Variants in MYRIP observed in about 807,000 individuals in gnomAD.
MYRIP encodes the protein myosin VIIA and Rab interacting protein.
Under a neutral mutation model 98.0 loss-of-function variants are expected in MYRIP, and 49 were observed. The ratio of observed to expected loss-of-function variants is 0.50; its 90% CI spans 0.40 to 0.63. The LOEUF (loss-of-function observed/expected upper bound fraction) is 0.63, where lower values mean the gene tolerates loss of function less well. Ranked by LOEUF, MYRIP falls within the 30% of genes least tolerant of loss-of-function variation. MYRIP has a pLI of 0.00. For missense variants in MYRIP, 1,004 were observed against 1,058.2 expected (o/e 0.95, Z 0.71); for synonymous variants, 404 against 409.5 (o/e 0.99, Z 0.16).
At chr3:40,142,212 G>A (rs1045896080) in intron 3 of MYRIP, among the ~76,000 whole-genome samples, 7 of 151,286 alleles carry the variant, frequency 4.6e-5, no homozygotes, top group East Asian at 1.9e-4. Context: ...CCACCACGCC[G>A]GGCTCATTTT....
intron 10 of MYRIP, among the ~76,000 whole-genome samples, chr3:40,198,492 T>C (rs1951462743): frequency 6.6e-6 from 1 of 152,222 alleles, no homozygotes; most frequent in Admixed American, 6.5e-5. Flanking sequence ...TCGCCATTCA[T>C]TTACTGGCAA....
intron 3 of MYRIP, among the ~76,000 whole-genome samples, chr3:40,101,361 CT>C (rs1049885433): frequency 5.9e-5 from 9 of 152,220 alleles, no homozygotes; most frequent in African/African-American, 2.2e-4. Context: ...AGGCTCTTTC[CT>C]TTGGTCTCAG....
intron 1 of MYRIP, among the ~76,000 whole-genome samples, chr3:39,832,444 G>A (rs1941479883): frequency 6.6e-6 from 1 of 152,166 alleles, no homozygotes; most frequent in African/African-American, 2.4e-5. Context: ...TCTCAAAAAA[G>A]CTTTTTGGAC....
intron 2 of MYRIP, among the ~76,000 whole-genome samples, chr3:39,957,748 T>A (rs888541947): frequency 6.6e-6 from 1 of 152,172 alleles, no homozygotes; most frequent in Non-Finnish European, 1.5e-5. Flanking sequence ...TGTCCCTGTT[T>A]GCAGATGACA....
At chr3:40,127,912 C>G (rs1046454880) in intron 3 of MYRIP, among the ~76,000 whole-genome samples, 2 of 152,090 alleles carry the variant, frequency 1.3e-5, no homozygotes, top group African/African-American at 4.8e-5. Context: ...TAGGAAGAAC[C>G]TCTCTGTTCA....
chr3:39,987,208 C>T (rs1437849134), intron 2 of MYRIP, among the ~76,000 whole-genome samples: 2 of 152,100 alleles, frequency 1.3e-5, no homozygotes, highest in Non-Finnish European at 2.9e-5. Flanking sequence ...CCCCCTGTGT[C>T]CATGTGTTCT....
At chr3:39,935,339 T>A (rs2125703871) in intron 2 of MYRIP, among the ~76,000 whole-genome samples, 1 of 152,252 alleles carries the variant, frequency 6.6e-6, no homozygotes, top group Non-Finnish European at 1.5e-5. Flanking sequence ...GTTCTGTAAA[T>A]ATGACAGTTG....
At chr3:40,072,856 G>A (rs970130137) in intron 3 of MYRIP, among the ~76,000 whole-genome samples, 1 of 151,968 alleles carries the variant, frequency 6.6e-6, no homozygotes, top group Non-Finnish European at 1.5e-5. Context: ...ATATTGTGCA[G>A]TTGTTGGATA....
intron 3 of MYRIP, among the ~76,000 whole-genome samples, chr3:40,098,916 TGTGC>T (rs1393651739): frequency 5.9e-5 from 9 of 151,820 alleles, no homozygotes; most frequent in African/African-American, 2.2e-4. Context: ...TGTGCATGTG[TGTGC>T]GTGTGTGTGT....
intron 2 of MYRIP, among the ~76,000 whole-genome samples, chr3:40,026,370 A>G (rs1290001800): frequency 9.0e-6 from 1 of 110,602 alleles, no homozygotes; most frequent in Non-Finnish European, 2.1e-5. Context: ...CTGATTTCAT[A>G]TTGTTCAAAC....
rs1559475740 is a variant in MYRIP at position 40,247,982 on chromosome 3, G to T, written c.2263-2240G>T. On this transcript the variant is annotated intron_variant, in intron 13 of 16. Transcript: ENST00000302541. The stretch of plus-strand genomic sequence containing the variant: ...GTGGATTATCTCAACTGCACCGCCA[G>T]GCATGCGGAAATTCTCCCCACCAGG... Among the ~76,000 whole-genome samples, 3 of 152,238 alleles carry T rather than the reference G, an allele frequency of 2.0e-5. No homozygotes were observed. In the East Asian group the frequency reaches 5.8e-4, roughly 29 times the overall value.
chr3:39,934,374 C>T (rs759757054), intron 2 of MYRIP, among the ~76,000 whole-genome samples: 7 of 152,052 alleles, frequency 4.6e-5, no homozygotes, highest in Non-Finnish European at 8.8e-5. Flanking sequence ...GACCCAAGAT[C>T]ACACTTGAGA....
chr3:40,094,016 T>C (rs1053028109), intron 3 of MYRIP, among the ~76,000 whole-genome samples: 11 of 152,142 alleles, frequency 7.2e-5, no homozygotes, highest in African/African-American at 2.7e-4. Context: ...CCTTTGCACG[T>C]GCTATTTCCT....
chr3:40,139,217 CTA>C, intron 3 of MYRIP, among the ~76,000 whole-genome samples: 1 of 152,198 alleles, frequency 6.6e-6, no homozygotes, highest in South Asian at 2.1e-4. Context: ...TGTATTACAT[CTA>C]TTTTTAAATT....
intron 3 of MYRIP, among the ~76,000 whole-genome samples, chr3:40,140,817 G>A (rs1949876921): frequency 6.6e-6 from 1 of 151,952 alleles, no homozygotes; most frequent in African/African-American, 2.4e-5. Flanking sequence ...GAGTACATGA[G>A]ATATTTTGAC....
At chr3:40,030,848 G>T (rs1947244726) in intron 2 of MYRIP, among the ~76,000 whole-genome samples, 1 of 152,110 alleles carries the variant, frequency 6.6e-6, no homozygotes, top group Non-Finnish European at 1.5e-5. Context: ...CATGAATACT[G>T]AATTTCTTTT....
At chr3:40,080,582 C>A (rs1359001075) in intron 3 of MYRIP, among the ~76,000 whole-genome samples, 1 of 151,968 alleles carries the variant, frequency 6.6e-6, no homozygotes, top group Non-Finnish European at 1.5e-5. Context: ...GTTTATCTAA[C>A]TTTCCAATTA....
chr3:39,870,709 C>T (rs1410866376), intron 1 of MYRIP, among the ~76,000 whole-genome samples: 3 of 152,080 alleles, frequency 2.0e-5, no homozygotes, highest in Non-Finnish European at 4.4e-5. Flanking sequence ...TGTTTTCACG[C>T]CCTTTCTCTG....
chr3:40,252,042 G>C (rs761300732), intron 16 of MYRIP, 43 bp downstream of exon 16: 1 of 1,426,034 alleles, frequency 7.0e-7, no homozygotes, highest in South Asian at 1.2e-5. Flanking sequence ...TTTCACTGTT[G>C]ATGGTACCTC....
Sources: gnomAD v4.1 joint callset for allele counts (sites outside exome capture counted in the v4.1 genomes callset) on GRCh38, gnomAD v4.1.1 for gene constraint, MANE v1.5 for transcripts, NCBI Gene and HGNC (gene_info 2026-07-23, HGNC 2026-07-21) for gene names.